ERC2: variants seen among roughly 807,000 people sequenced by gnomAD.
The protein encoded by ERC2 is ERC protein 2.
Under a neutral mutation model 114.8 loss-of-function variants are expected in ERC2, and 42 were observed. The ratio of observed to expected loss-of-function variants is 0.37; its 90% CI spans 0.29 to 0.47. The LOEUF is 0.47. Ranked by LOEUF, ERC2 falls within the 20% of genes least tolerant of loss-of-function variation. The pLI is 0.99. For missense variants in ERC2, 939 were observed against 1,150.7 expected, an observed-to-expected ratio of 0.82 and a Z score of 2.66; for synonymous variants, 454 against 425.5, an observed-to-expected ratio of 1.07 and a Z score of -0.82.
At chr3:55,687,416 T>C (rs549498480) in intron 16 of ERC2, among the ~76,000 whole-genome samples, 2 of 152,110 alleles carry the variant, frequency 1.3e-5, no homozygotes, top group Non-Finnish European at 2.9e-5. Flanking sequence ...TCTCTTTGAG[T>C]TGATAGCTGG....
chr3:55,609,024 T>A (rs2058765580), intron 17 of ERC2, among the ~76,000 whole-genome samples: 1 of 152,204 alleles, frequency 6.6e-6, no homozygotes, highest in African/African-American at 2.4e-5. Flanking sequence ...TTGATTTTTT[T>A]ATAACCACTC....
chr3:56,379,705 T>C (rs1385879979), intron 2 of ERC2, among the ~76,000 whole-genome samples: 1 of 152,064 alleles, frequency 6.6e-6, no homozygotes, highest in Non-Finnish European at 1.5e-5. Context: ...TGAGTGTGCA[T>C]ATCAGAAAAG....
intron 17 of ERC2, among the ~76,000 whole-genome samples, chr3:55,589,688 G>A (rs928015808): frequency 6.6e-6 from 1 of 152,062 alleles, no homozygotes; most frequent in Non-Finnish European, 1.5e-5. Flanking sequence ...CATGGGAGGG[G>A]CAGTGAGGGG....
At chr3:55,997,906 TTG>T (rs1279001290) in intron 10 of ERC2, among the ~76,000 whole-genome samples, 1 of 37,638 alleles carries the variant, frequency 2.7e-5, no homozygotes, top group Non-Finnish European at 5.1e-5. Context: ...TTTTTTTTTT[TTG>T]TGTGTGTGTG....
At chr3:55,985,325 A>G (rs2070519002) in intron 12 of ERC2, among the ~76,000 whole-genome samples, 1 of 152,218 alleles carries the variant, frequency 6.6e-6, no homozygotes, top group African/African-American at 2.4e-5. Flanking sequence ...ACAATGAATC[A>G]GGTCTTACAC....
chr3:56,304,806 G>A (rs1395441184), intron 2 of ERC2, among the ~76,000 whole-genome samples: 1 of 152,154 alleles, frequency 6.6e-6, no homozygotes, highest in Non-Finnish European at 1.5e-5. Context: ...TCTAAAAATT[G>A]TTACAAACTA....
At position 55,850,845 on chromosome 3, in the gene ERC2, A is replaced by AACACACACACACACAC. The variant is rs61573924; in HGVS notation, c.2564+37528_2564+37543dup. The stretch of plus-strand genomic sequence containing the variant: ...TCCTGTTTCTAGATACTCTTTTTCA[A>AACACACACACACACAC]ACACACACACACACACACACACACA... On this transcript the variant is annotated intron_variant, in intron 14 of 17. Transcript: ENST00000288221. Among the ~76,000 whole-genome samples, 45 of 125,954 alleles carry AACACACACACACACAC rather than the reference A, an allele frequency of 3.6e-4. 1 individual carries two copies. Among genetic ancestry groups the AACACACACACACACAC allele is most frequent in the South Asian group, 3.6e-3 (12 of 3,372 alleles). 82.6% of individuals were successfully genotyped at this position (125,954 alleles called of 152,430 possible). A position where few individuals can be genotyped will look rare whatever the true frequency, so the allele number is the denominator to read the frequency against.
intron 2 of ERC2, among the ~76,000 whole-genome samples, chr3:56,418,058 A>G (rs1366506688): frequency 2.0e-5 from 3 of 152,256 alleles, no homozygotes; most frequent in African/African-American, 4.8e-5. Flanking sequence ...AGGCCAAGGC[A>G]GGAGGATCAT....
chr3:55,759,852 T>A (rs980880452), intron 14 of ERC2, among the ~76,000 whole-genome samples: 3 of 152,192 alleles, frequency 2.0e-5, no homozygotes, highest in Non-Finnish European at 4.4e-5. Context: ...TTTACACACA[T>A]GAGTAATTAA....
chr3:56,170,595 T>TGTTTTGTTTTGTTTTG (rs60302237), intron 4 of ERC2, among the ~76,000 whole-genome samples: 5 of 132,258 alleles, frequency 3.8e-5, no homozygotes, highest in African/African-American at 1.4e-4. Context: ...GTTTTTTTTT[T>TGTTTTGTTTTGTTTTG]TTTTTTTTTT....
intron 17 of ERC2, among the ~76,000 whole-genome samples, chr3:55,601,907 G>GT (rs1304198981): frequency 6.6e-6 from 1 of 152,200 alleles, no homozygotes; most frequent in Non-Finnish European, 1.5e-5. Flanking sequence ...AGATGCCAGA[G>GT]TAAGTACTCC....
Position 55,940,391 on chromosome 3 carries a change from G to C in ERC2, c.2403+10034C>G, listed in dbSNP as rs149857774. Among the ~76,000 whole-genome samples, 782 of 152,110 alleles carry C rather than the reference G, an allele frequency of 5.1e-3. 6 individuals carry two copies. Among genetic ancestry groups the C allele is most frequent in the African/African-American group, 0.018 (749 of 41,520 alleles). On this transcript the variant is annotated intron_variant, in intron 13 of 17. Transcript: ENST00000288221. ...ACATTCGTCTCTCACCCACTCAGAA[G>C]CTCAGGGCCCCACGGATGACCTGAG...
At chr3:55,572,002 C>CT (rs2056739693) in intron 17 of ERC2, among the ~76,000 whole-genome samples, 1 of 152,212 alleles carries the variant, frequency 6.6e-6, no homozygotes, top group Non-Finnish European at 1.5e-5. Context: ...GGTGTTCCCT[C>CT]TAGACCCAGG....
chr3:56,107,001 A>G (rs1264567724), intron 6 of ERC2, among the ~76,000 whole-genome samples: 2 of 152,190 alleles, frequency 1.3e-5, no homozygotes, highest in Admixed American at 1.3e-4. Flanking sequence ...TCTTAGGACC[A>G]CGTAATGCAT....
At chr3:55,662,837 C>A (rs2061195986) in intron 17 of ERC2, among the ~76,000 whole-genome samples, 1 of 152,166 alleles carries the variant, frequency 6.6e-6, no homozygotes, top group South Asian at 2.1e-4. Flanking sequence ...AATGACTAAC[C>A]TCTGAGCAAT....
intron 3 of ERC2, among the ~76,000 whole-genome samples, chr3:56,258,274 A>G (rs1193291281): frequency 1.3e-5 from 1 of 78,540 alleles, no homozygotes; most frequent in African/African-American, 3.4e-5. Context: ...AAGGCCATAC[A>G]GTCTCTGTCA....
At chr3:55,581,983 C>T (rs1325928958) in intron 17 of ERC2, among the ~76,000 whole-genome samples, 1 of 152,198 alleles carries the variant, frequency 6.6e-6, no homozygotes, top group Admixed American at 6.5e-5. Context: ...TCCAACTGGC[C>T]TGGGCTTTAT....
chr3:55,830,723 G>A (rs952245701), intron 14 of ERC2, among the ~76,000 whole-genome samples: 1 of 152,060 alleles, frequency 6.6e-6, no homozygotes, highest in African/African-American at 2.4e-5. Flanking sequence ...GTGGGAGGAT[G>A]ACTTGAACCC....
chr3:55,788,372 A>C (rs1429061995), intron 14 of ERC2, among the ~76,000 whole-genome samples: 1 of 152,216 alleles, frequency 6.6e-6, no homozygotes, highest in Non-Finnish European at 1.5e-5. Context: ...GTGCTAGGAA[A>C]GGGCCTATGA....
Sources: allele counts gnomAD v4.1 joint callset (sites outside exome capture counted in the v4.1 genomes callset), GRCh38; gene constraint gnomAD v4.1.1; transcripts MANE v1.5; gene names NCBI Gene and HGNC (gene_info 2026-07-23, HGNC 2026-07-21).